TOX: variants seen among roughly 807,000 people sequenced by gnomAD.
The protein encoded by TOX is thymocyte selection associated high mobility group box, also known as thymocyte selection-associated high mobility group box protein TOX.
Under a neutral mutation model 53.7 loss-of-function variants are expected in TOX, and 11 were observed. That is an observed-to-expected ratio of 0.20 (90% CI 0.13 to 0.34). The LOEUF is 0.34. Among genes scored for constraint, TOX ranks in the 10% least tolerant of loss-of-function variants. The pLI, the probability that TOX is intolerant of heterozygous loss-of-function variation, is 1.00. For missense variants in TOX, 570 were observed against 664.6 expected, an observed-to-expected ratio of 0.86 and a Z score of 1.56; for synonymous variants, 225 against 245.3, an observed-to-expected ratio of 0.92 and a Z score of 0.77.
Position 58,851,185 on chromosome 8 carries a change from T to TCTCTCTCTCA in TOX, c.693+338_693+339insTGAGAGAGAG, listed in dbSNP as rs1275278112. 7.1e-6 allele frequency among the ~76,000 whole-genome samples: 1 copy of TCTCTCTCTCA among 140,736 alleles called. No homozygotes were observed. Among genetic ancestry groups the TCTCTCTCTCA allele is most frequent in the African/African-American group, 2.7e-5 (1 of 36,374 alleles). 92.3% of individuals were successfully genotyped at this position (140,736 alleles called of 152,430 possible). A position where few individuals can be genotyped will look rare whatever the true frequency, so the allele number is the denominator to read the frequency against. Reference sequence around the variant, plus strand: ...CTCTCTCTCTCTCTCTCTCTCTCTCTCACACACACACACACACACACACAC... The same window carrying TCTCTCTCTCA: ...CTCTCTCTCTCTCTCTCTCTCTCTCTCTCTCTCTCACACACACACACACACACACACACAC... On this transcript the variant is annotated intron_variant, in intron 4 of 8. Transcript: ENST00000361421. The surrounding 1 kb of genome is among the most constrained non-coding windows in gnomAD (Gnocchi z 4.4).
chr8:58,855,749 A>T (rs1282178025), intron 3 of TOX, among the ~76,000 whole-genome samples: 1 of 152,158 alleles, frequency 6.6e-6, no homozygotes, highest in Non-Finnish European at 1.5e-5. Context: ...AAACCTTCCA[A>T]ATGAAACTCA....
intron 1 of TOX, among the ~76,000 whole-genome samples, chr8:59,026,245 C>A (rs1391066904): frequency 6.6e-6 from 1 of 151,976 alleles, no homozygotes; most frequent in Admixed American, 6.6e-5. Flanking sequence ...GTCCATGGTC[C>A]CATGTCACTG....
intron 3 of TOX, among the ~76,000 whole-genome samples, chr8:58,897,198 T>C (rs1811664001): frequency 6.6e-6 from 1 of 152,148 alleles, no homozygotes; most frequent in African/African-American, 2.4e-5. Context: ...GCCCTGCCTT[T>C]CCCAGATGAT....
chr8:58,920,687 C>A, intron 3 of TOX, among the ~76,000 whole-genome samples: 1 of 110,356 alleles, frequency 9.1e-6, no homozygotes, highest in Non-Finnish European at 1.8e-5. Flanking sequence ...TGCACATGTA[C>A]CCTAAAACTT....
intron 1 of TOX, among the ~76,000 whole-genome samples, chr8:59,088,064 C>A (rs1000290627): frequency 2.6e-5 from 4 of 152,066 alleles, no homozygotes; most frequent in African/African-American, 7.2e-5. Flanking sequence ...GGATGGAAAC[C>A]TTTATTATAT....
chr8:58,827,298 A>G (rs1003309299), intron 5 of TOX, among the ~76,000 whole-genome samples: 8 of 152,198 alleles, frequency 5.3e-5, no homozygotes, highest in Admixed American at 5.2e-4. Flanking sequence ...ATCCTGATAT[A>G]TATGTTCCAC....
At chr8:58,828,214 T>C (rs1156368383) in intron 5 of TOX, among the ~76,000 whole-genome samples, 1 of 152,222 alleles carries the variant, frequency 6.6e-6, no homozygotes, top group Non-Finnish European at 1.5e-5. Flanking sequence ...ATATTGTTTA[T>C]TCATGAATAT....
intron 1 of TOX, among the ~76,000 whole-genome samples, chr8:58,967,558 A>AT (rs2129179299): frequency 6.6e-6 from 1 of 152,130 alleles, no homozygotes; most frequent in Non-Finnish European, 1.5e-5. Context: ...CACAGCAGCA[A>AT]TTTATATAGA....
intron 1 of TOX, among the ~76,000 whole-genome samples, chr8:59,048,624 A>G (rs982442830): frequency 1.1e-4 from 16 of 152,218 alleles, no homozygotes. Flanking sequence ...GAGCCAAAAA[A>G]TAAAGGGTGG....
intron 1 of TOX, among the ~76,000 whole-genome samples, chr8:59,032,936 C>T (rs1189483987): frequency 6.6e-6 from 1 of 150,944 alleles, no homozygotes; most frequent in Admixed American, 6.6e-5. Context: ...GAGGCTTAGG[C>T]AGGAGAATTG....
At chr8:58,824,077 C>T (rs779075683) in intron 6 of TOX, among the ~76,000 whole-genome samples, 1 of 147,904 alleles carries the variant, frequency 6.8e-6, no homozygotes, top group Non-Finnish European at 1.5e-5. Flanking sequence ...TGTGCCATGA[C>T]TCTGAGGCAC....
At chr8:58,873,958 C>CTTTTTTTTTTTTTTGTTTTTT (rs1811240328) in intron 3 of TOX, among the ~76,000 whole-genome samples, 1 of 40,128 alleles carries the variant, frequency 2.5e-5, no homozygotes, top group Non-Finnish European at 3.9e-5. Context: ...TGCCAGGAAG[C>CTTTTTTTTTTTTTTGTTTTTT]TTTTTTTTTT....
intron 1 of TOX, among the ~76,000 whole-genome samples, chr8:58,985,363 T>C (rs540846853): frequency 3.9e-5 from 6 of 152,228 alleles, no homozygotes; most frequent in African/African-American, 1.4e-4. Context: ...GAGAACACTA[T>C]GATAAGTGAA....
intron 2 of TOX, among the ~76,000 whole-genome samples, chr8:58,958,252 A>G (rs1240567727): frequency 6.6e-6 from 1 of 152,216 alleles, no homozygotes; most frequent in African/African-American, 2.4e-5. Flanking sequence ...GTAAGGGCTT[A>G]ATATTATGCA....
chr8:58,985,757 G>C (rs1813317013), intron 1 of TOX, among the ~76,000 whole-genome samples: 1 of 152,172 alleles, frequency 6.6e-6, no homozygotes, highest in African/African-American at 2.4e-5. Context: ...AGTAGTAAAT[G>C]ATCAGCTGAA....
intron 1 of TOX, among the ~76,000 whole-genome samples, chr8:59,051,132 A>G (rs1803782236): frequency 6.6e-6 from 1 of 152,132 alleles, no homozygotes; most frequent in Non-Finnish European, 1.5e-5. Flanking sequence ...GGACATCAAC[A>G]TATAGATGGC....
At chr8:59,095,212 A>G (rs1380338490) in intron 1 of TOX, among the ~76,000 whole-genome samples, 1 of 152,132 alleles carries the variant, frequency 6.6e-6, no homozygotes, top group African/African-American at 2.4e-5. Context: ...GCAACTATAT[A>G]CATAAAGGTA....
chr8:58,858,979 T>C (rs1408571271), intron 3 of TOX, among the ~76,000 whole-genome samples: 1 of 152,214 alleles, frequency 6.6e-6, no homozygotes, highest in Non-Finnish European at 1.5e-5. Flanking sequence ...ATTCAATTAA[T>C]ATGTAAATGT....
At chr8:59,041,529 G>T (rs1293814545) in intron 1 of TOX, among the ~76,000 whole-genome samples, 4 of 152,104 alleles carry the variant, frequency 2.6e-5, no homozygotes, top group African/African-American at 9.7e-5. Context: ...TTCACTCATA[G>T]CAATTCTACT....
Sources: gnomAD v4.1 joint callset for allele counts (sites outside exome capture counted in the v4.1 genomes callset) on GRCh38, gnomAD v4.1.1 for gene constraint, Gnocchi (gnomAD v3.1) non-coding constraint, MANE v1.5 for transcripts, NCBI Gene and HGNC (gene_info 2026-07-23, HGNC 2026-07-21) for gene names.